The following ADCY9 variants were observed in gnomAD, a reference collection of about 807,000 sequenced individuals.
The protein encoded by ADCY9 is adenylate cyclase type 9.
A neutral mutation model predicts 101.5 loss-of-function variants in ADCY9; 50 were observed. The observed-to-expected ratio is 0.49, with a 90% CI of 0.39 to 0.62. The LOEUF is 0.62. ADCY9 is among the 20% of genes least tolerant of loss of function. The pLI is 0.00. For synonymous variants in ADCY9, 905 were observed against 769.3 expected (o/e 1.18, Z -2.92); for missense variants, 1,662 against 1,800.4 (o/e 0.92, Z 1.39).
At chr16:4,045,948 G>A (rs957027372) in intron 2 of ADCY9, among the ~76,000 whole-genome samples, 3 of 140,218 alleles carry the variant, frequency 2.1e-5, no homozygotes, top group African/African-American at 5.3e-5. Context: ...AGGCTCAAGC[G>A]ATCCTCCCAT....
chr16:4,017,416 G>T (rs983112154), intron 2 of ADCY9, among the ~76,000 whole-genome samples: 1 of 149,706 alleles, frequency 6.7e-6, no homozygotes, highest in Non-Finnish European at 1.5e-5. Flanking sequence ...AGGCCGAGGC[G>T]GGGGGTTGCT....
intron 2 of ADCY9, among the ~76,000 whole-genome samples, chr16:4,105,762 A>G (rs75754266): frequency 0.14 from 20,634 of 151,724 alleles, 1,767 homozygotes; most frequent in East Asian, 0.44. Context: ...TGGAAGGATC[A>G]TCTGAGTGCA....
At chr16:3,970,799 C>A (rs1034186926) in intron 10 of ADCY9, among the ~76,000 whole-genome samples, 1 of 152,222 alleles carries the variant, frequency 6.6e-6, no homozygotes, top group African/African-American at 2.4e-5. Context: ...CTGGCTGGAC[C>A]GCGGGGGAGT....
Position 3,977,595 on chromosome 16 carries a change from G to A in ADCY9, c.2715C>T (p.Ala905=), listed in dbSNP as rs57040218. 3.4e-3 allele frequency: 5,522 copies of A among 1,612,444 alleles called. 173 individuals carry two copies. In the African/African-American group the frequency reaches 0.063, roughly 18 times the overall value. Residue 905 remains alanine (A), a synonymous_variant, in exon 9 of 11, where the codon GCC becomes GCT. Coordinates refer to ENST00000294016, the MANE Select transcript of ADCY9 (RefSeq NM_001116.4). The stretch of plus-strand genomic sequence containing the variant: ...GGCAGAAGTTACAGTAGTGCACGAC[G>A]GCAATCAGCGCGGCCGAGCCTGTGA... The part of the protein sequence containing the change: ...PVFTGSAALI[A]VVHYCNFCQL...
At chr16:4,010,256 C>G (rs1243582981) in intron 2 of ADCY9, among the ~76,000 whole-genome samples, 2 of 152,166 alleles carry the variant, frequency 1.3e-5, no homozygotes, top group East Asian at 3.9e-4. Context: ...CTGTGTGGCT[C>G]CGGGACTGCA....
intron 6 of ADCY9, among the ~76,000 whole-genome samples, chr16:3,988,754 G>A (rs2056219179): frequency 6.6e-6 from 1 of 152,182 alleles, no homozygotes; most frequent in African/African-American, 2.4e-5. Context: ...CCACGGCAGA[G>A]GAAAGGGGCT....
intron 9 of ADCY9, among the ~76,000 whole-genome samples, chr16:3,975,349 T>C (rs2056084998): frequency 6.6e-6 from 1 of 152,330 alleles, no homozygotes; most frequent in South Asian, 2.1e-4. Context: ...CTATTTTAAA[T>C]TCCCTTTTTG....
chr16:4,004,847 A>G (rs1240196865), intron 3 of ADCY9, among the ~76,000 whole-genome samples: 1 of 152,194 alleles, frequency 6.6e-6, no homozygotes. Context: ...TGCAGACAGG[A>G]GTTCAGGGGA....
intron 2 of ADCY9, among the ~76,000 whole-genome samples, chr16:4,037,563 C>T (rs1428723760): frequency 3.3e-5 from 5 of 152,124 alleles, no homozygotes; most frequent in African/African-American, 4.8e-5. Context: ...TTCTTTTCCT[C>T]TGGGTAGATA....
intron 2 of ADCY9, among the ~76,000 whole-genome samples, chr16:4,044,423 T>G (rs948132937): frequency 6.6e-6 from 1 of 152,028 alleles, no homozygotes; most frequent in Non-Finnish European, 1.5e-5. Context: ...TAAAATTCTG[T>G]GATAGGACGG....
At chr16:3,983,607 T>C (rs2056165097) in intron 6 of ADCY9, 167 bp from the exon 7 acceptor site, 4 of 624,182 alleles carry the variant, frequency 6.4e-6, no homozygotes, top group African/African-American at 3.7e-5. Flanking sequence ...CATTTAACAC[T>C]GGGGAGTCCA....
chr16:4,079,867 T>A (rs1232746436), intron 2 of ADCY9, among the ~76,000 whole-genome samples: 1 of 152,102 alleles, frequency 6.6e-6, no homozygotes, highest in East Asian at 1.9e-4. Context: ...GTTTTTTTAA[T>A]CTTCTTTTTG....
chr16:4,050,975 G>A (rs2056697401), intron 2 of ADCY9, among the ~76,000 whole-genome samples: 1 of 152,132 alleles, frequency 6.6e-6, no homozygotes, highest in South Asian at 2.1e-4. Flanking sequence ...CACTTTGGGA[G>A]GACGAGGCAG....
intron 2 of ADCY9, among the ~76,000 whole-genome samples, chr16:4,050,442 G>A (rs769618319): frequency 2.0e-5 from 3 of 151,966 alleles, no homozygotes; most frequent in Admixed American, 1.3e-4. Context: ...TGCCAGGCGC[G>A]GTGGCTCATG....
chr16:4,031,983 G>C (rs2056558241), intron 2 of ADCY9: 1 of 151,728 alleles, frequency 6.6e-6, no homozygotes, highest in Non-Finnish European at 1.5e-5. Context: ...AAGTGTTGAA[G>C]GACTCACAGT....
chr16:3,994,325 C>T (rs968045311), intron 3 of ADCY9, among the ~76,000 whole-genome samples: 4 of 152,134 alleles, frequency 2.6e-5, no homozygotes, highest in Non-Finnish European at 5.9e-5. Flanking sequence ...TTAAAAGCCA[C>T]CTGGTTTGTG....
At chr16:4,107,550 C>CAAAAAAAA (rs61565312) in intron 2 of ADCY9, among the ~76,000 whole-genome samples, 3 of 72,846 alleles carry the variant, frequency 4.1e-5, no homozygotes, top group Admixed American at 1.5e-4. Context: ...GACTCTGTCT[C>CAAAAAAAA]AAAAAAAAAA....
At chr16:3,961,627 G>A (rs537362657), downstream of ADCY9, among the ~76,000 whole-genome samples, 2 of 152,262 alleles carry the variant, frequency 1.3e-5, no homozygotes, top group East Asian at 3.9e-4. Context: ...ATCAGCTGGA[G>A]GCTGCACCCC....
intron 2 of ADCY9, 80 bp downstream of exon 2, chr16:4,113,668 ACT>A (rs2057127768): frequency 1.3e-6 from 2 of 1,513,436 alleles, no homozygotes; most frequent in East Asian, 2.3e-5. Flanking sequence ...GTCTGCAGAC[ACT>A]GAGGCTGGAA....
Sources: allele counts gnomAD v4.1 joint callset (sites outside exome capture counted in the v4.1 genomes callset), GRCh38; gene constraint gnomAD v4.1.1; transcripts MANE v1.5; gene names NCBI Gene and HGNC (gene_info 2026-07-23, HGNC 2026-07-21).